Variants in GNB4 observed in about 807,000 individuals in gnomAD.
GNB4 encodes the protein G protein subunit beta 4, also known as guanine nucleotide-binding protein subunit beta-4.
GNB4 carries 28 observed loss-of-function variants against 45.2 expected under a neutral mutation model. The ratio of observed to expected loss-of-function variants is 0.62; its 90% CI spans 0.46 to 0.85. GNB4 has a LOEUF of 0.85. GNB4 is among the 40% of genes least tolerant of loss of function. The pLI, the probability that GNB4 is intolerant of heterozygous loss-of-function variation, is 0.00. For synonymous variants in GNB4, 132 were observed against 143.7 expected (o/e 0.92, Z 0.58); for missense variants, 321 against 425.4 (o/e 0.75, Z 2.16).
chr3:179,424,073 A>C (rs1715075225), intron 2 of GNB4, among the ~76,000 whole-genome samples: 1 of 152,202 alleles, frequency 6.6e-6, no homozygotes, highest in African/African-American at 2.4e-5. Flanking sequence ...TTAGTAACTA[A>C]GGTTGGGAGA....
At position 179,400,012 on chromosome 3, in the gene GNB4, T is replaced by C. The variant is rs1280833481; in HGVS notation, c.*1201A>G. 6.6e-6 allele frequency: 1 copy of C among 152,248 alleles called. No individual in the cohort carries two copies. Among genetic ancestry groups the C allele is most frequent in the African/African-American group, 2.4e-5 (1 of 41,456 alleles). The allele number at this position is 152,248 out of a possible 1,614,324, so 9.4% of individuals were successfully genotyped here. A position where few individuals can be genotyped will look rare whatever the true frequency, so the allele number is the denominator to read the frequency against. On this transcript the variant is annotated 3_prime_UTR_variant, in exon 10 of 10. Transcript: ENST00000232564. The stretch of plus-strand genomic sequence containing the variant: ...TTAAGAACTGCTTTAGGAATTTTTA[T>C]TTTGGCTTTAAGTGGAATCACTTAC...
chr3:179,436,452 C>T (rs1199170118), intron 1 of GNB4, among the ~76,000 whole-genome samples: 1 of 152,060 alleles, frequency 6.6e-6, no homozygotes, highest in Non-Finnish European at 1.5e-5. Flanking sequence ...ACTACTTTTG[C>T]TTCTCTAAAA....
the GNB4 span, among the ~76,000 whole-genome samples, chr3:179,524,643 T>C: frequency 6.6e-6 from 1 of 152,144 alleles, no homozygotes; most frequent in Non-Finnish European, 1.5e-5. Context: ...AAAATGCACA[T>C]TGAGAATAAG....
chr3:179,445,168 C>A lies in GNB4; in HGVS notation c.-43+6178G>T, dbSNP rs77381556. On this transcript the variant is annotated intron_variant, in intron 1 of 9. Transcript: ENST00000232564. ...TCAGCTATAGAGAAATTGATAGAAT[C>A]TGTTCCATAGAGAAAGTAGATTTCA... Among the ~76,000 whole-genome samples, 524 of 152,330 alleles carry A rather than the reference C, an allele frequency of 3.4e-3. 1 individual carries two copies. The highest frequency in any genetic ancestry group is 0.012 in the African/African-American group (493 of 41,570).
At chr3:179,485,353 TCAATTGTA>T in the GNB4 span, among the ~76,000 whole-genome samples, 1 of 152,044 alleles carries the variant, frequency 6.6e-6, no homozygotes, top group African/African-American at 2.4e-5. Flanking sequence ...AATAATGAAC[TCAATTGTA>T]CCTATAAGTT....
the GNB4 span, among the ~76,000 whole-genome samples, chr3:179,483,085 A>C: frequency 2.0e-5 from 3 of 152,300 alleles, no homozygotes; most frequent in African/African-American, 7.2e-5. Flanking sequence ...TGCCTTCCGG[A>C]CAACAATGGC....
At chr3:179,408,956 G>A (rs368798267) in intron 8 of GNB4, among the ~76,000 whole-genome samples, 1 of 149,288 alleles carries the variant, frequency 6.7e-6, no homozygotes, top group Non-Finnish European at 1.5e-5. Context: ...GACCAGCCTG[G>A]GCAACATGGC....
At chr3:179,464,426 C>T in the GNB4 span, 1 of 1,500,962 alleles carries the variant, frequency 6.7e-7, no homozygotes, top group Admixed American at 1.7e-5. Context: ...GCCCTCGCCC[C>T]TTCCACCTCA....
intron 3 of GNB4, among the ~76,000 whole-genome samples, chr3:179,420,276 G>T (rs1364971536): frequency 2.7e-5 from 4 of 148,666 alleles, no homozygotes; most frequent in South Asian, 4.2e-4. Flanking sequence ...TTACAGGCAG[G>T]CACCACCATG....
the GNB4 span, chr3:179,465,049 T>G: frequency 2.0e-6 from 3 of 1,499,802 alleles, no homozygotes; most frequent in South Asian, 3.4e-5. Flanking sequence ...ATCGATATAC[T>G]TCCAAAGAGC....
chr3:179,455,872 G>A (rs763336061), upstream of GNB4, among the ~76,000 whole-genome samples: 2 of 152,158 alleles, frequency 1.3e-5, no homozygotes, highest in Non-Finnish European at 2.9e-5. Flanking sequence ...GCTGCTAGCT[G>A]GAAGATCAGC....
At chr3:179,524,032 T>C in the GNB4 span, among the ~76,000 whole-genome samples, 1 of 152,206 alleles carries the variant, frequency 6.6e-6, no homozygotes, top group Non-Finnish European at 1.5e-5. Flanking sequence ...ACAACAGTTA[T>C]GGAGGCAAAG....
chr3:179,456,130 T>A (rs978292354), upstream of GNB4, among the ~76,000 whole-genome samples: 61 of 135,418 alleles, frequency 4.5e-4, no homozygotes, highest in African/African-American at 1.7e-3. Flanking sequence ...TTTTTTTTTT[T>A]AGACAAGATC....
At chr3:179,498,745 TTTGG>T in the GNB4 span, among the ~76,000 whole-genome samples, 3 of 128,264 alleles carry the variant, frequency 2.3e-5, no homozygotes, top group African/African-American at 3.4e-5. Context: ...TTGGTTGAGG[TTTGG>T]TTTTTTTTTT....
rs200411099 is a variant in GNB4, at chr3:179,405,303, T to C, written c.803A>G (p.Asn268Ser). 6.2e-6 allele frequency: 10 copies of C among 1,614,166 alleles called. No individual in the cohort carries two copies. Among genetic ancestry groups the C allele is most frequent in the East Asian group, 4.5e-5 (2 of 44,890 alleles). The change falls in exon 9 of 10, where the codon AAT becomes AGT. Residue 268 changes from asparagine to serine, a missense_variant. Asn to Ser is a conservative substitution (Grantham distance 46). Transcript: ENST00000232564. ...TACAGAAGTGATTCCACAGATGATA[T>C]TGTCATGAGAATACAATAATAACTC... ...DQELLLYSHD[N>S]IICGITSVAF...
At chr3:179,500,050 A>G in the GNB4 span, among the ~76,000 whole-genome samples, 8 of 152,226 alleles carry the variant, frequency 5.3e-5, no homozygotes, top group African/African-American at 1.9e-4. Context: ...CACTCTGTTG[A>G]TAGTTTCTTT....
the GNB4 span, among the ~76,000 whole-genome samples, chr3:179,508,114 A>G: frequency 6.6e-6 from 1 of 152,242 alleles, no homozygotes; most frequent in Admixed American, 6.5e-5. Flanking sequence ...AACTGAAAGT[A>G]TCCAAATGGA....
rs141411562 is a variant in GNB4 at position 179,440,880 on chromosome 3, TAG to T, written c.-43+10464_-43+10465del. On this transcript the variant is annotated intron_variant, in intron 1 of 9. Coordinates refer to ENST00000232564, the MANE Select transcript of GNB4 (RefSeq NM_021629.4). ...AAAAATTCCTATATATATAGATAGA[TAG>T]AGAGAGAGAGAGAGAGAGAGATACA... Among the ~76,000 whole-genome samples the T allele has an allele frequency of 1.8e-3, 273 of 148,816 alleles. 1 individual carries two copies. The highest frequency in any genetic ancestry group is 2.6e-3 in the East Asian group (13 of 5,066).
chr3:179,447,584 T>C (rs1374381639), intron 1 of GNB4, among the ~76,000 whole-genome samples: 1 of 152,104 alleles, frequency 6.6e-6, no homozygotes, highest in African/African-American at 2.4e-5. Flanking sequence ...GATTTACCTC[T>C]TTTAAAGTTC....
Sources: gnomAD v4.1 joint callset for allele counts (sites outside exome capture counted in the v4.1 genomes callset) on GRCh38, gnomAD v4.1.1 for gene constraint, MANE v1.5 for transcripts, NCBI Gene and HGNC (gene_info 2026-07-23, HGNC 2026-07-21) for gene names.